The following SLC22A3 variants were observed in gnomAD, a reference collection of about 807,000 sequenced individuals.
SLC22A3 encodes solute carrier family 22 member 3, also known as EMT organic cation transporter 3.
Under a neutral mutation model 59.1 loss-of-function variants are expected in SLC22A3, and 51 were observed. That is an observed-to-expected ratio of 0.86 (90% confidence interval 0.69 to 1.09). The LOEUF (loss-of-function observed/expected upper bound fraction) is 1.09. Ranked by LOEUF, SLC22A3 falls within the 50% of genes least tolerant of loss-of-function variation. The pLI is 0.00. For missense variants in SLC22A3, 711 were observed against 726.3 expected, an observed-to-expected ratio of 0.98 and a Z score of 0.24; for synonymous variants, 325 against 292.0, an observed-to-expected ratio of 1.11 and a Z score of -1.15.
At chr6:160,440,750 T>C (rs1267624868) in intron 7 of SLC22A3, among the ~76,000 whole-genome samples, 2 of 152,206 alleles carry the variant, frequency 1.3e-5, no homozygotes, top group African/African-American at 4.8e-5. Flanking sequence ...AACTTTTCTT[T>C]GGTTACACAT....
intron 5 of SLC22A3, among the ~76,000 whole-genome samples, chr6:160,421,189 A>G (rs528580548): frequency 1.5e-4 from 23 of 152,242 alleles, no homozygotes; most frequent in African/African-American, 5.5e-4. Flanking sequence ...CCAGACAAGT[A>G]CCCAGGCCAC....
intron 1 of SLC22A3, among the ~76,000 whole-genome samples, chr6:160,386,227 T>C (rs1786007998): frequency 1.3e-5 from 2 of 152,216 alleles, no homozygotes; most frequent in Non-Finnish European, 2.9e-5. Flanking sequence ...CTTCTGCCCA[T>C]ATATCTCACT....
intron 1 of SLC22A3, among the ~76,000 whole-genome samples, chr6:160,366,733 C>T (rs565623078): frequency 3.5e-4 from 54 of 152,268 alleles, no homozygotes; most frequent in African/African-American, 1.1e-3. Flanking sequence ...TGGAGGTTCT[C>T]GAACCTCAAT....
In SLC22A3 at chr6:160,370,926, CA is replaced by C. The variant is rs532680218; in HGVS notation, c.429+22080del. Among the ~76,000 whole-genome samples, 1,044 of 152,316 alleles carry C rather than the reference CA, an allele frequency of 6.9e-3. 19 individuals carry two copies. Among genetic ancestry groups the C allele is most frequent in the African/African-American group, 0.024 (1,006 of 41,552 alleles). ...CTACCTCATTTCTTGTGTCCAAATA[CA>C]ATCAGTTATTCAAGGCCTGGCTCAA... On this transcript the variant is annotated intron_variant, in intron 1 of 10. Transcript: ENST00000275300.
intron 1 of SLC22A3, among the ~76,000 whole-genome samples, chr6:160,380,659 C>T (rs1785762612): frequency 6.6e-6 from 1 of 152,112 alleles, no homozygotes; most frequent in Non-Finnish European, 1.5e-5. Flanking sequence ...TCTATAGAGT[C>T]ACTATGCTAT....
At chr6:160,398,309 G>T (rs911021096) in intron 2 of SLC22A3, among the ~76,000 whole-genome samples, 1 of 152,034 alleles carries the variant, frequency 6.6e-6, no homozygotes, top group Non-Finnish European at 1.5e-5. Context: ...GGCTGTTCCC[G>T]GTAGGACTGA....
Position 160,448,942 on chromosome 6 carries a change from TTAA to T in SLC22A3, c.1610+1129_1610+1131del, listed in dbSNP as rs1366577982. 6.6e-5 allele frequency among the ~76,000 whole-genome samples: 10 copies of T among 152,308 alleles called. No homozygotes were observed. In the South Asian group the frequency reaches 2.1e-3, roughly 32 times the overall value. On this transcript the variant is annotated intron_variant, in intron 10 of 10. Transcript: ENST00000275300. ...CTAATTTAACAACTAAAAAGCAATC[TTAA>T]TAATGACTTAGGAATTAAGAACATG... is the stretch of plus-strand genomic sequence containing the variant.
At chr6:160,445,843 T>C (rs1788718715) in intron 9 of SLC22A3, among the ~76,000 whole-genome samples, 1 of 152,118 alleles carries the variant, frequency 6.6e-6, no homozygotes, top group African/African-American at 2.4e-5. Flanking sequence ...GTGTCCGCTG[T>C]GCATAATTTG....
chr6:160,444,716 C>T (rs56990480), intron 9 of SLC22A3, among the ~76,000 whole-genome samples: 1,672 of 152,290 alleles, frequency 0.011, 34 homozygotes, highest in African/African-American at 0.037. Context: ...CCCTTTCTCA[C>T]GCAACCGTTT....
intron 1 of SLC22A3, among the ~76,000 whole-genome samples, chr6:160,375,302 T>C (rs886445477): frequency 2.0e-5 from 3 of 152,228 alleles, no homozygotes; most frequent in African/African-American, 7.2e-5. Flanking sequence ...GCTTGTTGTC[T>C]GGCCTAAGTC....
In SLC22A3 at chr6:160,419,779, C is replaced by T. The variant is rs370337794; in HGVS notation, c.975+8933C>T. ...TGTAGTATGTGTACCATCACACTCA[C>T]TTTGACTTAGAATATGCTTGAATGC... On this transcript the variant is annotated intron_variant, in intron 5 of 10. Coordinates refer to ENST00000275300, the MANE Select transcript of SLC22A3 (RefSeq NM_021977.4). Among the ~76,000 whole-genome samples, 14 of 152,282 alleles carry T rather than the reference C, an allele frequency of 9.2e-5. No individual in the cohort carries two copies. In the South Asian group the frequency reaches 1.7e-3, roughly 18 times the overall value.
intron 1 of SLC22A3, among the ~76,000 whole-genome samples, chr6:160,370,515 A>C (rs1301708856): frequency 6.6e-6 from 1 of 152,202 alleles, no homozygotes; most frequent in East Asian, 1.9e-4. Context: ...CTCTTATGTT[A>C]TTATTATTCA....
chr6:160,383,558 G>T (rs1432178128), intron 1 of SLC22A3, among the ~76,000 whole-genome samples: 1 of 151,678 alleles, frequency 6.6e-6, no homozygotes, highest in African/African-American at 2.4e-5. Context: ...TTTTTCCAAA[G>T]TGAATATAGT....
intron 1 of SLC22A3, among the ~76,000 whole-genome samples, chr6:160,389,402 T>A (rs1241288976): frequency 6.6e-6 from 1 of 152,160 alleles, no homozygotes; most frequent in Non-Finnish European, 1.5e-5. Context: ...AACGTGGCCA[T>A]GTGGGAGGCC....
chr6:160,391,181 T>G (rs893190884), intron 1 of SLC22A3, among the ~76,000 whole-genome samples: 4 of 152,078 alleles, frequency 2.6e-5, no homozygotes, highest in Non-Finnish European at 1.5e-5. Context: ...ACATAAAATG[T>G]AGGGTGTTGA....
chr6:160,417,392 A>C (rs1050205411), intron 5 of SLC22A3, among the ~76,000 whole-genome samples: 2 of 152,214 alleles, frequency 1.3e-5, no homozygotes, highest in African/African-American at 4.8e-5. Context: ...GCCAAGAAAA[A>C]GCTGTTTCCC....
At chr6:160,387,190 C>T (rs894494123) in intron 1 of SLC22A3, among the ~76,000 whole-genome samples, 3 of 152,212 alleles carry the variant, frequency 2.0e-5, no homozygotes, top group Admixed American at 6.5e-5. Context: ...GCCAGGAAAA[C>T]CTGGGAAGAT....
chr6:160,398,124 C>T (rs749183303), intron 2 of SLC22A3, 42 bp downstream of exon 2: 1 of 1,362,620 alleles, frequency 7.3e-7, no homozygotes, highest in Non-Finnish European at 1.1e-6. Context: ...ACTATAATAC[C>T]ATGCATTAAT....
At chr6:160,409,470 C>T (rs1005844781) in intron 4 of SLC22A3, among the ~76,000 whole-genome samples, 8 of 138,620 alleles carry the variant, frequency 5.8e-5, no homozygotes, top group Admixed American at 7.5e-5. Context: ...TGAATAGTGC[C>T]GCAATAAACA....
Sources: gnomAD v4.1 joint callset for allele counts (sites outside exome capture counted in the v4.1 genomes callset) on GRCh38, gnomAD v4.1.1 for gene constraint, MANE v1.5 for transcripts, NCBI Gene and HGNC (gene_info 2026-07-23, HGNC 2026-07-21) for gene names.